Variants in POLR3E observed in about 807,000 individuals in gnomAD.
POLR3E encodes RNA polymerase III subunit E.
A neutral mutation model predicts 96.6 loss-of-function variants in POLR3E; 41 were observed. The observed-to-expected ratio is 0.42, with a 90% CI of 0.33 to 0.55. The LOEUF is 0.55. Ranked by LOEUF, POLR3E falls within the 20% of genes least tolerant of loss-of-function variation. The pLI is 0.06. For missense variants in POLR3E, 849 were observed against 952.1 expected, an observed-to-expected ratio of 0.89 and a Z score of 1.43; for synonymous variants, 396 against 383.6, an observed-to-expected ratio of 1.03 and a Z score of -0.38.
chr16:22,323,952 T>C (rs2048522532), intron 14 of POLR3E, among the ~76,000 whole-genome samples: 1 of 152,154 alleles, frequency 6.6e-6, no homozygotes, highest in African/African-American at 2.4e-5. Context: ...GGCTGAGAGC[T>C]TCTGGAAGGA....
intron 4 of POLR3E, 110 bp from the exon 5 acceptor site, chr16:22,308,815 G>A (rs944436049): frequency 1.6e-5 from 11 of 672,388 alleles, no homozygotes; most frequent in East Asian, 2.7e-5. Flanking sequence ...TGTCAGTCTC[G>A]CTTCCGGGCA....
intron 4 of POLR3E, 67 bp downstream of exon 4, chr16:22,308,292 G>A: frequency 2.4e-6 from 3 of 1,252,012 alleles, no homozygotes; most frequent in Non-Finnish European, 3.5e-6. Context: ...GCTGGTGGAG[G>A]CGAGAAGCTC....
chr16:22,308,885 T>C, intron 4 of POLR3E, 40 bp from the exon 5 acceptor site: 2 of 1,375,422 alleles, frequency 1.5e-6, no homozygotes, highest in Non-Finnish European at 2.1e-6. Context: ...AGCCATGCCT[T>C]GGGGTCCTCA....
intron 1 of POLR3E, among the ~76,000 whole-genome samples, chr16:22,298,544 C>T (rs1250300951): frequency 3.9e-5 from 6 of 152,114 alleles, no homozygotes; most frequent in African/African-American, 1.4e-4. Context: ...TCACAGATGC[C>T]AAGCAGCTGT....
At position 22,322,756 on chromosome 16, in the gene POLR3E, G is replaced by A; in HGVS notation, c.987-94G>A. On this transcript the variant is annotated intron_variant, in intron 13 of 20. Transcript: ENST00000299853. The surrounding 1 kb of genome is among the most constrained non-coding windows in gnomAD (Gnocchi z 5.2). ...CTCAGGCCTGTACCCAGCCCACGGTGGAAAGAAGCATGGACTGGGGCTTGG... is the reference window on the plus strand; with the variant it reads ...CTCAGGCCTGTACCCAGCCCACGGTAGAAAGAAGCATGGACTGGGGCTTGG... 4 of 841,952 alleles carry A rather than the reference G, an allele frequency of 4.8e-6. No individual in the cohort carries two copies. Among genetic ancestry groups the A allele is most frequent in the Non-Finnish European group, 7.8e-6 (4 of 509,640 alleles). The allele number at this position is 841,952 out of a possible 1,614,324, so 52.2% of individuals were successfully genotyped here.
intron 18 of POLR3E, 103 bp from the exon 19 acceptor site, chr16:22,328,407 C>G: frequency 1.1e-6 from 1 of 950,100 alleles, no homozygotes; most frequent in Admixed American, 1.8e-5. Flanking sequence ...GATTGGAACC[C>G]ATGTTCCTGC....
In POLR3E at chr16:22,325,186, G is replaced by C. The variant is rs1310041255; in HGVS notation, c.1287-19G>C. 6.3e-7 allele frequency: 1 copy of C among 1,598,174 alleles called. No homozygotes were observed. Among genetic ancestry groups the C allele is most frequent in the Admixed American group, 1.7e-5 (1 of 59,988 alleles). On this transcript the variant is annotated intron_variant, in intron 16 of 20. Coordinates refer to ENST00000299853, the MANE Select transcript of POLR3E (RefSeq NM_018119.4). The stretch of plus-strand genomic sequence containing the variant: ...TAGGGGACGTGGTTTAAAGTTAATG[G>C]GGTTACTCTTCTTTTCAGACTGGAA...
At chr16:22,326,984 G>A (rs1437825753) in intron 18 of POLR3E, 1 of 152,868 alleles carries the variant, frequency 6.5e-6, no homozygotes, top group African/African-American at 2.4e-5. Flanking sequence ...CACTGGGAGG[G>A]GCCCTGACGG....
Position 22,326,047 on chromosome 16 carries a change from C to T in POLR3E, c.1635C>T (p.Phe545=), listed in dbSNP as rs199769384. The change falls in exon 18 of 21, where the codon TTC becomes TTT. Residue 545 remains phenylalanine (F), a synonymous_variant. Transcript: ENST00000299853. The stretch of plus-strand genomic sequence containing the variant: ...GGCGGGCTGCGGGCACAGACAGCTT[C>T]AACGGGCACCCGCCCCAGGGCTGCG... The part of the protein sequence containing the change: ...PLGRAAGTDS[F]NGHPPQGCAS... The T allele has an allele frequency of 6.2e-7, 1 of 1,606,376 alleles. No individual in the cohort carries two copies. The highest frequency in any genetic ancestry group is 1.3e-5 in the African/African-American group (1 of 74,886).
chr16:22,318,610 C>T lies in POLR3E; in HGVS notation c.866-216C>T, dbSNP rs534771476. Among the ~76,000 whole-genome samples, 7 of 152,294 alleles carry T rather than the reference C, an allele frequency of 4.6e-5. No homozygotes were observed. In the South Asian group the frequency reaches 1.5e-3, roughly 32 times the overall value. On this transcript the variant is annotated intron_variant, in intron 12 of 20. Coordinates refer to ENST00000299853, the MANE Select transcript of POLR3E (RefSeq NM_018119.4). The surrounding 1 kb of genome is among the most constrained non-coding windows in gnomAD (Gnocchi z 5.0). Reference sequence around the variant, plus strand: ...CACCCCTCAAGTCTTCCTTAAGGGGCACTTCATATAATCCTCAGATTTCAT... The same window carrying T: ...CACCCCTCAAGTCTTCCTTAAGGGGTACTTCATATAATCCTCAGATTTCAT...
At position 22,315,100 on chromosome 16, in the gene POLR3E, C is replaced by A. The variant is rs752315914; in HGVS notation, c.534C>A (p.Ser178=). 6.2e-7 allele frequency: 1 copy of A among 1,613,356 alleles called. No individual in the cohort carries two copies. Among genetic ancestry groups the A allele is most frequent in the South Asian group, 1.1e-5 (1 of 90,966 alleles). The stretch of plus-strand genomic sequence containing the variant: ...CCTTCCCACCGCAGGTGCGGTTCTC[C>A]CGGCCGGAGTCAGAGCAGGCCCGCC... The part of the protein sequence containing the change: ...DDVKQITVRF[S]RPESEQARQR... Residue 178 remains serine (S), a synonymous_variant, in exon 9 of 21, where the codon TCC becomes TCA. Transcript: ENST00000299853.
chr16:22,315,573 C>A (rs943159710), intron 9 of POLR3E, among the ~76,000 whole-genome samples: 2 of 152,184 alleles, frequency 1.3e-5, no homozygotes, highest in Non-Finnish European at 2.9e-5. Context: ...TCATGTGTTG[C>A]CACCCCAGAG....
At position 22,334,704 on chromosome 16, in the gene POLR3E, T is replaced by C. The variant is rs2048814092; in HGVS notation, c.*1004T>C. Reference sequence around the variant, plus strand: ...CAAAATCTGGCATTTTACACTTTCCTCAACACTCAGTTTGGACTAGCCACA... The same window carrying C: ...CAAAATCTGGCATTTTACACTTTCCCCAACACTCAGTTTGGACTAGCCACA... On this transcript the variant is annotated 3_prime_UTR_variant, in exon 21 of 21. Transcript: ENST00000299853. The C allele has an allele frequency of 6.6e-6, 1 of 151,942 alleles. No individual in the cohort carries two copies. Among genetic ancestry groups the C allele is most frequent in the African/African-American group, 2.4e-5 (1 of 41,454 alleles). 9.4% of individuals were successfully genotyped at this position (151,942 alleles called of 1,614,324 possible).
chr16:22,305,961 T>C (rs1245662678), intron 3 of POLR3E, among the ~76,000 whole-genome samples: 4 of 152,222 alleles, frequency 2.6e-5, no homozygotes, highest in Non-Finnish European at 5.9e-5. Context: ...CAATGGATTT[T>C]AGTCTACTCA....
chr16:22,315,913 C>G (rs1037743384), intron 9 of POLR3E, among the ~76,000 whole-genome samples: 4 of 152,052 alleles, frequency 2.6e-5, no homozygotes, highest in Non-Finnish European at 5.9e-5. Flanking sequence ...AGTGATCTGC[C>G]CACCTCAGGC....
intron 1 of POLR3E, among the ~76,000 whole-genome samples, chr16:22,301,728 C>A (rs958456886): frequency 6.6e-6 from 1 of 152,032 alleles, no homozygotes. Flanking sequence ...GAATTCAAGA[C>A]TAACCTGGCC....
rs1391263600 is a variant in POLR3E, at chr16:22,322,768, G to C, written c.987-82G>C. Reference sequence around the variant, plus strand: ...CCCAGCCCACGGTGGAAAGAAGCATGGACTGGGGCTTGGCCGGGAGGGGTA... The same window carrying C: ...CCCAGCCCACGGTGGAAAGAAGCATCGACTGGGGCTTGGCCGGGAGGGGTA... On this transcript the variant is annotated intron_variant, in intron 13 of 20. Coordinates refer to ENST00000299853, the MANE Select transcript of POLR3E (RefSeq NM_018119.4). The surrounding 1 kb of genome is among the most constrained non-coding windows in gnomAD (Gnocchi z 5.2). 4.2e-6 allele frequency: 4 copies of C among 951,494 alleles called. No homozygotes were observed. Among genetic ancestry groups the C allele is most frequent in the Non-Finnish European group, 6.7e-6 (4 of 599,970 alleles). The allele number at this position is 951,494 out of a possible 1,614,324, so 58.9% of individuals were successfully genotyped here.
chr16:22,303,312 G>A (rs1196366061), intron 2 of POLR3E, among the ~76,000 whole-genome samples: 1 of 151,954 alleles, frequency 6.6e-6, no homozygotes, highest in Non-Finnish European at 1.5e-5. Flanking sequence ...CTCATACTTG[G>A]CCTAGCCCCC....
At chr16:22,327,270 A>C (rs1002330150) in intron 18 of POLR3E, 1 of 152,248 alleles carries the variant, frequency 6.6e-6, no homozygotes, top group African/African-American at 2.4e-5. Flanking sequence ...GGCCTTGTGG[A>C]GCCTAGGCTG....
Sources: gnomAD v4.1 joint callset for allele counts (sites outside exome capture counted in the v4.1 genomes callset) on GRCh38, gnomAD v4.1.1 for gene constraint, Gnocchi (gnomAD v3.1) non-coding constraint, MANE v1.5 for transcripts, NCBI Gene and HGNC (gene_info 2026-07-23, HGNC 2026-07-21) for gene names.